CNTNAP2: variants seen among roughly 807,000 people sequenced by gnomAD.
CNTNAP2 encodes the protein contactin associated protein 2.
CNTNAP2 carries 98 observed loss-of-function variants against 155.2 expected under a neutral mutation model. The observed-to-expected ratio is 0.63, with a 90% CI of 0.54 to 0.75. The LOEUF is 0.75. Among genes scored for constraint, CNTNAP2 ranks in the 30% least tolerant of loss-of-function variants. CNTNAP2 has a pLI of 0.00. For synonymous variants in CNTNAP2, 651 were observed against 631.2 expected (o/e 1.03, Z -0.47); for missense variants, 1,727 against 1,688.1 (o/e 1.02, Z -0.40).
chr7:147,503,611 G>T (rs1798856556), intron 11 of CNTNAP2, among the ~76,000 whole-genome samples: 1 of 151,756 alleles, frequency 6.6e-6, no homozygotes, highest in Non-Finnish European at 1.5e-5. Flanking sequence ...CTTTCTGTAG[G>T]CTCCAGTCAC....
chr7:147,585,124 C>T (rs1041653482), intron 12 of CNTNAP2, among the ~76,000 whole-genome samples: 23 of 152,200 alleles, frequency 1.5e-4, no homozygotes, highest in African/African-American at 4.3e-4. Flanking sequence ...ATTGAATTCC[C>T]GTGGCTTGAC....
chr7:146,721,542 ATATATATTC>A (rs1274941501), intron 1 of CNTNAP2, among the ~76,000 whole-genome samples: 1 of 111,614 alleles, frequency 9.0e-6, no homozygotes, highest in South Asian at 2.5e-4. Flanking sequence ...TATACATTCT[ATATATATTC>A]TATATACATT....
intron 3 of CNTNAP2, chr7:146,915,699 C>T (rs569219525): frequency 6.6e-6 from 1 of 152,184 alleles, no homozygotes; most frequent in East Asian, 1.9e-4. Flanking sequence ...CTGAATTCAT[C>T]TACCAGTTCT....
chr7:148,247,595 T>TTA (rs1459044602), intron 20 of CNTNAP2, among the ~76,000 whole-genome samples: 2 of 132,972 alleles, frequency 1.5e-5, no homozygotes, highest in East Asian at 4.3e-4. Context: ...GCTTCTCCCA[T>TTA]TCTCTCTCTC....
At chr7:147,865,831 G>T (rs1224498166) in intron 13 of CNTNAP2, among the ~76,000 whole-genome samples, 1 of 151,830 alleles carries the variant, frequency 6.6e-6, no homozygotes, top group Non-Finnish European at 1.5e-5. Flanking sequence ...CATTAGTCTT[G>T]CTAGTGGTCT....
intron 1 of CNTNAP2, among the ~76,000 whole-genome samples, chr7:146,601,496 G>T (rs930983887): frequency 1.2e-4 from 18 of 152,026 alleles, no homozygotes; most frequent in Non-Finnish European, 2.1e-4. Flanking sequence ...TCCTATGGTT[G>T]CAGATAGGAA....
At chr7:147,222,425 C>T (rs1376759766) in intron 8 of CNTNAP2, among the ~76,000 whole-genome samples, 2 of 152,104 alleles carry the variant, frequency 1.3e-5, no homozygotes, top group Non-Finnish European at 2.9e-5. Context: ...TCTAGCATTT[C>T]TCTTTAGCTC....
chr7:146,293,270 GT>G (rs1800461263), intron 1 of CNTNAP2, among the ~76,000 whole-genome samples: 1 of 152,056 alleles, frequency 6.6e-6, no homozygotes, highest in South Asian at 2.1e-4. Context: ...GAAAATTTAG[GT>G]TTATGAGACT....
At chr7:146,648,358 T>A (rs1799850706) in intron 1 of CNTNAP2, among the ~76,000 whole-genome samples, 1 of 152,156 alleles carries the variant, frequency 6.6e-6, no homozygotes, top group Admixed American at 6.6e-5. Context: ...GGAAATGACT[T>A]TTCTCTTTGT....
At chr7:147,662,973 A>G (rs1584886069) in intron 13 of CNTNAP2, among the ~76,000 whole-genome samples, 1 of 151,754 alleles carries the variant, frequency 6.6e-6, no homozygotes, top group East Asian at 1.9e-4. Flanking sequence ...TTTTTGTCTC[A>G]CTGGATGTTT....
chr7:146,626,993 A>C (rs1365894978), intron 1 of CNTNAP2, among the ~76,000 whole-genome samples: 1 of 152,168 alleles, frequency 6.6e-6, no homozygotes, highest in East Asian at 1.9e-4. Flanking sequence ...ATTTCTGATA[A>C]AGACATACCC....
At chr7:147,683,182 G>C (rs1348307510) in intron 13 of CNTNAP2, among the ~76,000 whole-genome samples, 3 of 151,824 alleles carry the variant, frequency 2.0e-5, no homozygotes, top group Admixed American at 6.6e-5. Context: ...CCTTTATACA[G>C]TTCACCTGTA....
intron 1 of CNTNAP2, among the ~76,000 whole-genome samples, chr7:146,578,821 G>A (rs1798565085): frequency 6.6e-6 from 1 of 152,078 alleles, no homozygotes; most frequent in South Asian, 2.1e-4. Flanking sequence ...GTTACTCGCT[G>A]TAGACAGTTA....
intron 1 of CNTNAP2, among the ~76,000 whole-genome samples, chr7:146,628,308 T>C (rs936830348): frequency 2.6e-5 from 4 of 152,108 alleles, no homozygotes; most frequent in African/African-American, 9.7e-5. Context: ...TTGTTTATCA[T>C]ATGCGGAATC....
intron 1 of CNTNAP2, among the ~76,000 whole-genome samples, chr7:146,353,296 A>G (rs185351492): frequency 2.0e-5 from 3 of 152,106 alleles, no homozygotes; most frequent in African/African-American, 7.2e-5. Flanking sequence ...TGGCCGAACT[A>G]TTTGCATCCT....
chr7:147,273,608 G>T (rs1804814035), intron 8 of CNTNAP2, among the ~76,000 whole-genome samples: 1 of 151,762 alleles, frequency 6.6e-6, no homozygotes, highest in African/African-American at 2.4e-5. Context: ...AGAACATGAA[G>T]TATTTGATTT....
At chr7:147,241,636 G>GAA (rs773697991) in intron 8 of CNTNAP2, among the ~76,000 whole-genome samples, 46 of 63,150 alleles carry the variant, frequency 7.3e-4, no homozygotes, top group Admixed American at 1.9e-3. Context: ...TCAAAAAAAG[G>GAA]AAAAAAAAAA....
chr7:146,802,340 C>G (rs1355655602), intron 2 of CNTNAP2, among the ~76,000 whole-genome samples: 1 of 152,158 alleles, frequency 6.6e-6, no homozygotes, highest in African/African-American at 2.4e-5. Flanking sequence ...TACATCAAAT[C>G]CCTGTCTTGA....
chr7:147,279,793 GA>G (rs1804988305), intron 8 of CNTNAP2, among the ~76,000 whole-genome samples: 1 of 151,880 alleles, frequency 6.6e-6, no homozygotes, highest in Admixed American at 6.6e-5. Flanking sequence ...CTTTAAGAAT[GA>G]AATAACTATA....
Sources: gnomAD v4.1 joint callset for allele counts (sites outside exome capture counted in the v4.1 genomes callset) on GRCh38, gnomAD v4.1.1 for gene constraint, MANE v1.5 for transcripts, NCBI Gene and HGNC (gene_info 2026-07-23, HGNC 2026-07-21) for gene names.